GLB1: variants seen among roughly 807,000 people sequenced by gnomAD.
GLB1 encodes beta-galactosidase.
In GLB1, 56 loss-of-function variants were observed where a neutral mutation model predicts 74.0. That is an observed-to-expected ratio of 0.76 (90% CI 0.61 to 0.94). The LOEUF (loss-of-function observed/expected upper bound fraction) is 0.94, where lower values mean the gene tolerates loss of function less well. GLB1 is among the 40% of genes least tolerant of loss of function. GLB1 has a pLI of 0.00. For missense variants in GLB1, 787 were observed against 845.5 expected (o/e 0.93, Z 0.86); for synonymous variants, 323 against 323.6 (o/e 1.00, Z 0.02).
At position 33,097,030 on chromosome 3, in the gene GLB1, C is replaced by A. The variant is rs1462909018; in HGVS notation, c.56G>T (p.Gly19Val). The change falls in exon 1 of 16, where the codon GGC (glycine) becomes GTC (valine). Residue 19 changes from glycine to valine, a missense_variant. Physicochemically the swap from Gly to Val is moderately radical, Grantham distance 109. Transcript: ENST00000307363. ...ACTTACGCGCAAGCCGCGCGTAGGG[C>A]CCAGAAGCAGCAGAACCAGCAACAG... is the stretch of plus-strand genomic sequence containing the variant. ...LPLLLVLLLL[G>V]PTRGLRNATQ... The A allele has an allele frequency of 6.2e-7, 1 of 1,612,278 alleles. No homozygotes were observed. The highest frequency in any genetic ancestry group is 8.5e-7 in the Non-Finnish European group (1 of 1,179,018).
chr3:33,012,238 A>C (rs1294583004), intron 15 of GLB1, among the ~76,000 whole-genome samples: 1 of 151,714 alleles, frequency 6.6e-6, no homozygotes, highest in Non-Finnish European at 1.5e-5. Flanking sequence ...AGATCCAACA[A>C]CCCTCCTCCA....
At position 33,097,106 on chromosome 3, in the gene GLB1, T is replaced by C. The variant is rs1281140451; in HGVS notation, c.-21A>G. The C allele has an allele frequency of 1.2e-6, 2 of 1,611,228 alleles. No homozygotes were observed. The highest frequency in any genetic ancestry group is 2.2e-5 in the South Asian group (2 of 90,714). On this transcript the variant is annotated 5_prime_UTR_variant, in exon 1 of 16. Coordinates refer to ENST00000307363, the MANE Select transcript of GLB1 (RefSeq NM_000404.4). ...GGCATGACCACCAGCCTCCCGGCTC[T>C]GCAGTCGGCGCCCAGGCCGGCCGCT...
Position 33,074,361 on chromosome 3 carries a change from G to GA in GLB1, c.76-1649dup, listed in dbSNP as rs1559412798. On this transcript the variant is annotated intron_variant, in intron 1 of 15. Transcript: ENST00000307363. ...GGAAGGAAGGAAGGAAGGAAGGAAG[G>GA]AAGGAAGGAAGGAAGGAAGGAAGGA... Among the ~76,000 whole-genome samples the GA allele has an allele frequency of 3.2e-3, 60 of 18,938 alleles. 4 individuals are homozygous for GA. The highest frequency in any genetic ancestry group is 0.017 in the African/African-American group (56 of 3,220). The allele number at this position is 18,938 out of a possible 152,430, so 12.4% of individuals were successfully genotyped here.
Position 33,021,587 on chromosome 3 carries a change from C to T in GLB1, c.1212G>A (p.Leu404=). 1 of 1,613,974 alleles carries T rather than the reference C, an allele frequency of 6.2e-7. No individual in the cohort carries two copies. Among genetic ancestry groups the T allele is most frequent in the Non-Finnish European group, 8.5e-7 (1 of 1,179,988 alleles). ...CTACCTGTTTCACCTGGATAAATGT[C>T]AAGGGATAAAGGCTTTTGATGGGCC... ...PSGPIKSLYP[L]TFIQVKQHYG... is the part of the protein sequence containing the mutation. Residue 404 remains leucine (L), a synonymous_variant, in exon 12 of 16, where the codon TTG becomes TTA. Coordinates refer to ENST00000307363, the MANE Select transcript of GLB1 (RefSeq NM_000404.4).
intron 15 of GLB1, among the ~76,000 whole-genome samples, chr3:33,006,329 G>T (rs1429608762): frequency 6.6e-6 from 1 of 152,196 alleles, no homozygotes; most frequent in Admixed American, 6.5e-5. Flanking sequence ...AACTGCGCAC[G>T]CGAGGGATAT....
Position 33,090,663 on chromosome 3 carries a change from G to A in GLB1, c.75+6348C>T, listed in dbSNP as rs375369656. On this transcript the variant is annotated intron_variant, in intron 1 of 15. Coordinates refer to ENST00000307363, the MANE Select transcript of GLB1 (RefSeq NM_000404.4). Reference sequence around the variant, plus strand: ...AAGAATGTTGAACAAAGGGACTAAAGGTGTCATGGAGACCTGCCCACCAGG... The same window carrying A: ...AAGAATGTTGAACAAAGGGACTAAAAGTGTCATGGAGACCTGCCCACCAGG... 8 of 985,462 alleles carry A rather than the reference G, an allele frequency of 8.1e-6. No individual in the cohort carries two copies. In the African/African-American group the frequency reaches 1.0e-4, roughly 13 times the overall value. The allele number at this position is 985,462 out of a possible 1,614,324, so 61.0% of individuals were successfully genotyped here.
intron 7 of GLB1, 96 bp downstream of exon 7, chr3:33,053,395 G>A: frequency 6.3e-7 from 1 of 1,577,906 alleles, no homozygotes; most frequent in Non-Finnish European, 8.7e-7. Flanking sequence ...GCTGACTCCA[G>A]AGCCAAAAAC....
chr3:33,088,798 T>G (rs1458675738), intron 1 of GLB1, among the ~76,000 whole-genome samples: 2 of 152,316 alleles, frequency 1.3e-5, no homozygotes, highest in South Asian at 4.1e-4. Flanking sequence ...CTAAAATTCA[T>G]ATGGAATCTC....
chr3:33,093,590 G>A lies in GLB1; in HGVS notation c.75+3421C>T. The A allele has an allele frequency of 1.9e-6, 3 of 1,614,164 alleles. No individual in the cohort carries two copies. Among genetic ancestry groups the A allele is most frequent in the Non-Finnish European group, 2.5e-6 (3 of 1,180,010 alleles). On this transcript the variant is annotated intron_variant, in intron 1 of 15. Transcript: ENST00000307363. This position sits in a 1 kb window ranked among gnomAD's most constrained non-coding sequence, Gnocchi z 6.0. ...GCACGATCTTGAGGTTGTTCATTGA[G>A]GCAGGCAGCTGATGGATGGGCACCT...
the GLB1 span, among the ~76,000 whole-genome samples, chr3:32,991,303 A>G: frequency 6.6e-6 from 1 of 152,208 alleles, no homozygotes; most frequent in East Asian, 1.9e-4. Context: ...CACTTAGCCA[A>G]TGGCCTCCTG....
At chr3:33,055,138 C>T (rs912926069) in intron 6 of GLB1, among the ~76,000 whole-genome samples, 1 of 152,184 alleles carries the variant, frequency 6.6e-6, no homozygotes, top group Non-Finnish European at 1.5e-5. Context: ...CGGGCAATGC[C>T]CCTCTCCCAC....
intron 15 of GLB1, 71 bp downstream of exon 15, chr3:33,013,985 T>G: frequency 6.2e-7 from 1 of 1,612,548 alleles, no homozygotes; most frequent in Non-Finnish European, 8.5e-7. Flanking sequence ...CAGCTCTTTG[T>G]GATTCTTTCT....
intron 1 of GLB1, among the ~76,000 whole-genome samples, chr3:33,086,183 A>G (rs1230431396): frequency 6.6e-6 from 1 of 152,214 alleles, no homozygotes; most frequent in Non-Finnish European, 1.5e-5. Context: ...CATCAGATAT[A>G]TAAAATATCT....
intron 10 of GLB1, among the ~76,000 whole-genome samples, chr3:33,040,340 C>T (rs1698447193): frequency 6.6e-6 from 1 of 152,148 alleles, no homozygotes; most frequent in Non-Finnish European, 1.5e-5. Flanking sequence ...GAAGAACCCA[C>T]ATTCACCCCA....
chr3:33,008,833 G>A (rs916256886), intron 15 of GLB1, among the ~76,000 whole-genome samples: 4 of 152,148 alleles, frequency 2.6e-5, no homozygotes, highest in Admixed American at 2.6e-4. Flanking sequence ...AAAAAAGATC[G>A]TGGTGGCCGG....
At chr3:33,013,020 C>T (rs1178443930) in intron 15 of GLB1, among the ~76,000 whole-genome samples, 1 of 152,228 alleles carries the variant, frequency 6.6e-6, no homozygotes, top group Non-Finnish European at 1.5e-5. Flanking sequence ...ATGTCACTCT[C>T]CTGCTTCAAT....
intron 1 of GLB1, among the ~76,000 whole-genome samples, chr3:33,083,125 C>T (rs1291931012): frequency 6.6e-6 from 1 of 152,086 alleles, no homozygotes; most frequent in African/African-American, 2.4e-5. Context: ...AGGCCAGGTA[C>T]AGTGGCTCAC....
At chr3:33,089,917 A>T (rs1439619885) in intron 1 of GLB1, among the ~76,000 whole-genome samples, 3 of 152,222 alleles carry the variant, frequency 2.0e-5, no homozygotes, top group Non-Finnish European at 2.9e-5. Context: ...AACAAAAAAA[A>T]TGGTTAAGAT....
chr3:33,038,671 A>T (rs1341724766), intron 10 of GLB1, among the ~76,000 whole-genome samples: 2 of 152,170 alleles, frequency 1.3e-5, no homozygotes, highest in Non-Finnish European at 2.9e-5. Flanking sequence ...TAGGGCTGAG[A>T]AGATAAAAAT....
Sources: allele counts gnomAD v4.1 joint callset (sites outside exome capture counted in the v4.1 genomes callset), GRCh38; gene constraint gnomAD v4.1.1; non-coding constraint Gnocchi (gnomAD v3.1); transcripts MANE v1.5; gene names NCBI Gene and HGNC (gene_info 2026-07-23, HGNC 2026-07-21).